The following PCDHGB3 variants were observed in gnomAD, a reference collection of about 807,000 sequenced individuals.
The protein encoded by PCDHGB3 is protocadherin gamma subfamily B, 3.
In PCDHGB3, 40 loss-of-function variants were observed where a neutral mutation model predicts 59.2. That is an observed-to-expected ratio of 0.68 (90% CI 0.52 to 0.88). The LOEUF (loss-of-function observed/expected upper bound fraction) is 0.88, where lower values mean the gene tolerates loss of function less well. Among genes scored for constraint, PCDHGB3 ranks in the 40% least tolerant of loss-of-function variants. The probability of loss-of-function intolerance (pLI) is 0.00; values close to 1 mark genes in which losing one functional copy is unlikely to be tolerated. For missense variants in PCDHGB3, 1,309 were observed against 1,187.9 expected, an observed-to-expected ratio of 1.10 and a Z score of -1.50; for synonymous variants, 581 against 503.6, an observed-to-expected ratio of 1.15 and a Z score of -2.06.
intron 1 of PCDHGB3, chr5:141,408,296 C>T (rs2154539952): frequency 1.2e-6 from 2 of 1,613,550 alleles, no homozygotes; most frequent in Non-Finnish European, 1.7e-6. Flanking sequence ...CCTGAGTGAG[C>T]CGATCCGCTA....
chr5:141,410,689 C>T, intron 1 of PCDHGB3: 2 of 1,514,926 alleles, frequency 1.3e-6, no homozygotes, highest in Non-Finnish European at 1.8e-6. Flanking sequence ...AGGCATACTA[C>T]TTTATTTTCA....
chr5:141,430,914 T>G (rs750607631), intron 1 of PCDHGB3: 1 of 1,607,676 alleles, frequency 6.2e-7, no homozygotes, highest in Non-Finnish European at 8.5e-7. Context: ...TCCAGGGACC[T>G]GGGGCTGGAG....
chr5:141,423,865 T>G, intron 1 of PCDHGB3: 1 of 1,285,992 alleles, frequency 7.8e-7, no homozygotes, highest in Non-Finnish European at 9.9e-7. Flanking sequence ...TTTGTGAAAG[T>G]CATTTTTCAA....
At chr5:141,393,097 T>C in intron 1 of PCDHGB3, 1 of 1,613,608 alleles carries the variant, frequency 6.2e-7, no homozygotes, top group South Asian at 1.1e-5. Context: ...CGGGAGGAGC[T>C]CTGCGCTCAG....
At chr5:141,412,890 T>G (rs2095584785) in intron 1 of PCDHGB3, 1 of 330,212 alleles carries the variant, frequency 3.0e-6, no homozygotes, top group Non-Finnish European at 5.4e-6. Context: ...AACAGAATAG[T>G]TTACTTTCCA....
In PCDHGB3 at chr5:141,405,021, C is replaced by T. The variant is rs188043964; in HGVS notation, c.2415+32212C>T. The T allele has an allele frequency of 2.9e-5, 46 of 1,613,980 alleles. No homozygotes were observed. Among genetic ancestry groups the T allele is most frequent in the Non-Finnish European group, 3.7e-5 (44 of 1,179,862 alleles). On this transcript the variant is annotated intron_variant, in intron 1 of 3. Coordinates refer to ENST00000576222, the MANE Select transcript of PCDHGB3 (RefSeq NM_018924.5). ...GCAGACCTGGAGGCCTCAGACCTTA[C>T]CCTCTACCTCGTTGTGGCTGTGGCA...
chr5:141,485,500 C>T lies in PCDHGB3; in HGVS notation c.2416-9307C>T. 1 of 1,614,142 alleles carries T rather than the reference C, an allele frequency of 6.2e-7. No homozygotes were observed. The highest frequency in any genetic ancestry group is 8.5e-7 in the Non-Finnish European group (1 of 1,180,038). ...GCTGCATCGTGCCCCTGGAGTTTGT[C>T]ACCGAAGGTCCTTTGGAAATGTACC... On this transcript the variant is annotated intron_variant, in intron 1 of 3. Coordinates refer to ENST00000576222, the MANE Select transcript of PCDHGB3 (RefSeq NM_018924.5). The surrounding 1 kb of genome is among the most constrained non-coding windows in gnomAD (Gnocchi z 5.7).
chr5:141,455,244 T>C (rs977940552), intron 1 of PCDHGB3, among the ~76,000 whole-genome samples: 1 of 152,142 alleles, frequency 6.6e-6, no homozygotes, highest in Admixed American at 6.5e-5. Flanking sequence ...TTAAAGGTCA[T>C]AGTACAATCG....
At chr5:141,469,700 T>TA (rs1483261429) in intron 1 of PCDHGB3, among the ~76,000 whole-genome samples, 1 of 152,272 alleles carries the variant, frequency 6.6e-6, no homozygotes, top group African/African-American at 2.4e-5. Context: ...TATGACCTAG[T>TA]AATCACACTA....
chr5:141,472,878 C>G (rs774209715), intron 1 of PCDHGB3, among the ~76,000 whole-genome samples: 1 of 146,132 alleles, frequency 6.8e-6, no homozygotes, highest in East Asian at 2.1e-4. Context: ...CCCAGCTACT[C>G]GGGAGGCTGA....
chr5:141,401,356 G>A (rs1274587222), intron 1 of PCDHGB3, among the ~76,000 whole-genome samples: 1 of 152,070 alleles, frequency 6.6e-6, no homozygotes, highest in Non-Finnish European at 1.5e-5. Flanking sequence ...AAAAAGGAAG[G>A]AGAAGGAGAG....
At chr5:141,374,785 T>A in intron 1 of PCDHGB3, 1 of 1,613,874 alleles carries the variant, frequency 6.2e-7, no homozygotes, top group Non-Finnish European at 8.5e-7. Context: ...CAGTTCTAGA[T>A]GTGAATGACA....
intron 1 of PCDHGB3, among the ~76,000 whole-genome samples, chr5:141,483,294 T>G (rs1392406131): frequency 2.0e-5 from 3 of 152,100 alleles, no homozygotes; most frequent in Non-Finnish European, 4.4e-5. Flanking sequence ...CAGTCATAAG[T>G]GAAGGGACTG....
chr5:141,392,735 C>G, intron 1 of PCDHGB3: 1 of 1,428,540 alleles, frequency 7.0e-7, no homozygotes, highest in South Asian at 1.5e-5. Context: ...ATTGTCATCT[C>G]CATAGCTGCG....
At position 141,379,889 on chromosome 5, in the gene PCDHGB3, CTTTTTTTTTTTTTT is replaced by C. The variant is rs70988800; in HGVS notation, c.2415+7097_2415+7110del. Among the ~76,000 whole-genome samples, 12 of 50,834 alleles carry C rather than the reference CTTTTTTTTTTTTTT, an allele frequency of 2.4e-4. 1 individual carries two copies. In the South Asian group the frequency reaches 3.7e-3, roughly 16 times the overall value. The allele number at this position is 50,834 out of a possible 152,430, so 33.3% of individuals were successfully genotyped here. Reference sequence around the variant, plus strand: ...CTTATTTTATGGTCTGTGAAAGCCTCTTTTTTTTTTTTTTTTTTTTTTTTTTTTTTGTCAGAGTC... The same window carrying C: ...CTTATTTTATGGTCTGTGAAAGCCTCTTTTTTTTTTTTTTTTGTCAGAGTC... On this transcript the variant is annotated intron_variant, in intron 1 of 3. Coordinates refer to ENST00000576222, the MANE Select transcript of PCDHGB3 (RefSeq NM_018924.5).
At position 141,485,561 on chromosome 5, in the gene PCDHGB3, GCCC is replaced by G; in HGVS notation, c.2416-9242_2416-9240del. ...AGAGATCGTAGATGTGAATGATCAC[GCCC>G]CCCGTTTTCCGCGGCAGCAGCTGGA... On this transcript the variant is annotated intron_variant, in intron 1 of 3. Transcript: ENST00000576222. This position sits in a 1 kb window ranked among gnomAD's most constrained non-coding sequence, Gnocchi z 5.7. 1 of 1,613,008 alleles carries G rather than the reference GCCC, an allele frequency of 6.2e-7. No homozygotes were observed.
intron 1 of PCDHGB3, chr5:141,398,702 C>G: frequency 6.2e-7 from 1 of 1,613,832 alleles, no homozygotes; most frequent in Non-Finnish European, 8.5e-7. Flanking sequence ...AGTAAATACC[C>G]GGAACTGGCA....
intron 1 of PCDHGB3, chr5:141,394,449 A>T: frequency 6.2e-7 from 1 of 1,614,230 alleles, no homozygotes; most frequent in Non-Finnish European, 8.5e-7. Context: ...CAGCAGCAAC[A>T]TGTCACTGAG....
intron 1 of PCDHGB3, among the ~76,000 whole-genome samples, chr5:141,472,980 C>CAAAAAAAAAAAAAAAAGAAAAAAA (rs2099308501): frequency 2.3e-5 from 2 of 86,104 alleles, no homozygotes; most frequent in African/African-American, 7.8e-5. Flanking sequence ...GAGTGAAACT[C>CAAAAAAAAAAAAAAAAGAAAAAAA]AAAAAAAAAA....
Sources: gnomAD v4.1 joint callset for allele counts (sites outside exome capture counted in the v4.1 genomes callset) on GRCh38, gnomAD v4.1.1 for gene constraint, Gnocchi (gnomAD v3.1) non-coding constraint, MANE v1.5 for transcripts, NCBI Gene and HGNC (gene_info 2026-07-23, HGNC 2026-07-21) for gene names.